The following MAPK9 variants were observed in gnomAD, a reference collection of about 807,000 sequenced individuals.
MAPK9 encodes mitogen-activated protein kinase 9, also known as Jun kinase.
A neutral mutation model predicts 57.1 loss-of-function variants in MAPK9; 30 were observed. The ratio of observed to expected loss-of-function variants is 0.53; its 90% CI spans 0.39 to 0.71. MAPK9 has a LOEUF of 0.71. Ranked by LOEUF, MAPK9 falls within the 30% of genes least tolerant of loss-of-function variation. MAPK9 has a pLI of 0.00. For synonymous variants in MAPK9, 155 were observed against 177.0 expected (o/e 0.88, Z 0.99); for missense variants, 362 against 521.0 (o/e 0.69, Z 2.97).
In MAPK9 at chr5:180,292,066, C is replaced by A. The variant is rs1763331682; in HGVS notation, c.-266G>T. On this transcript the variant is annotated 5_prime_UTR_variant, in exon 1 of 12. Coordinates refer to ENST00000452135, the MANE Select transcript of MAPK9 (RefSeq NM_002752.5). ...CCGCTCCCTTCTCCGCCGCTGCCGC[C>A]GCCGCGGCGCCCGGTCTGACAGACC... 6.6e-6 allele frequency: 1 copy of A among 152,446 alleles called. No homozygotes were observed. The highest frequency in any genetic ancestry group is 2.4e-5 in the African/African-American group (1 of 41,288). 9.4% of individuals were successfully genotyped at this position (152,446 alleles called of 1,614,324 possible). A position where few individuals can be genotyped will look rare whatever the true frequency, so the allele number is the denominator to read the frequency against.
chr5:180,288,348 C>T (rs774993648), intron 1 of MAPK9, among the ~76,000 whole-genome samples: 14 of 152,180 alleles, frequency 9.2e-5, no homozygotes, highest in Admixed American at 2.0e-4. Flanking sequence ...ACTTAAAAGA[C>T]GTATCATCCA....
intron 1 of MAPK9, among the ~76,000 whole-genome samples, chr5:180,282,522 G>T (rs1762396054): frequency 3.3e-5 from 5 of 152,218 alleles, no homozygotes; most frequent in Admixed American, 2.0e-4. Flanking sequence ...GACAAGGACG[G>T]CTTCAAGGAG....
chr5:180,237,657 C>G (rs1757278554), intron 11 of MAPK9: 1 of 152,226 alleles, frequency 6.6e-6, no homozygotes, highest in Non-Finnish European at 1.5e-5. Context: ...ATGGAGGTGA[C>G]AGCAGTTATT....
rs565055212 is a variant in MAPK9 at position 180,281,616 on chromosome 5, G to A, written c.-47-1008C>T. On this transcript the variant is annotated intron_variant, in intron 1 of 11. Transcript: ENST00000452135. ...GCTCTGTCAAATCCCTTGCCTTTAT[G>A]TTCTAGTATCTAATATTTAACGTCA... Among the ~76,000 whole-genome samples the A allele has an allele frequency of 2.6e-5, 4 of 152,308 alleles. No homozygotes were observed. In the East Asian group the frequency reaches 7.7e-4, roughly 29 times the overall value.
chr5:180,286,699 G>C (rs945485308), intron 1 of MAPK9, among the ~76,000 whole-genome samples: 3 of 148,078 alleles, frequency 2.0e-5, no homozygotes, highest in Non-Finnish European at 4.4e-5. Context: ...CACTCCCAGG[G>C]CCCTGGGTAA....
Position 180,248,963 on chromosome 5 carries a change from C to T in MAPK9, c.616+10G>A. The T allele has an allele frequency of 6.3e-7, 1 of 1,597,122 alleles. No individual in the cohort carries two copies. The highest frequency in any genetic ancestry group is 8.5e-7 in the Non-Finnish European group (1 of 1,171,446). On this transcript the variant is annotated intron_variant, in intron 6 of 11. Transcript: ENST00000452135. ...ACATCCCAGCCTCTTCCAGCCCCGG[C>T]TATACTCACCGTTCTCTTTGTAGCC...
chr5:180,283,100 G>A (rs1762455992), intron 1 of MAPK9, among the ~76,000 whole-genome samples: 1 of 152,156 alleles, frequency 6.6e-6, no homozygotes, highest in Admixed American at 6.5e-5. Context: ...CACAGGCGCT[G>A]AGGTGCTCCA....
In MAPK9 at chr5:180,236,165, T is replaced by G. The variant is rs753424874; in HGVS notation, c.*219A>C. The G allele has an allele frequency of 1.0e-5, 4 of 396,514 alleles. No individual in the cohort carries two copies. The highest frequency in any genetic ancestry group is 1.8e-5 in the Non-Finnish European group (4 of 225,822). The allele number at this position is 396,514 out of a possible 1,614,324, so 24.6% of individuals were successfully genotyped here. On this transcript the variant is annotated 3_prime_UTR_variant, in exon 12 of 12. Coordinates refer to ENST00000452135, the MANE Select transcript of MAPK9 (RefSeq NM_002752.5). ...TCACCTGAAATGATCTTGAACAAAA[T>G]CTCTAGAAGTGTGGCTTGCAATTTT...
chr5:180,261,890 A>G lies in MAPK9; in HGVS notation c.312-68T>C, dbSNP rs142920411. On this transcript the variant is annotated intron_variant, in intron 4 of 11. Transcript: ENST00000452135. ...AGTTCCTTTATGACTAAATTTCATG[A>G]AACTGTAACTTACTTCCAATCACTG... 2.6e-3 allele frequency: 3,608 copies of G among 1,362,564 alleles called. 7 individuals are homozygous for G. Among genetic ancestry groups the G allele is most frequent in the Middle Eastern group, 0.02 (102 of 5,172 alleles). The allele number at this position is 1,362,564 out of a possible 1,614,324, so 84.4% of individuals were successfully genotyped here. A position where few individuals can be genotyped will look rare whatever the true frequency, so the allele number is the denominator to read the frequency against.
intron 1 of MAPK9, among the ~76,000 whole-genome samples, chr5:180,283,634 C>G (rs1307512454): frequency 6.6e-6 from 1 of 152,172 alleles, no homozygotes; most frequent in Non-Finnish European, 1.5e-5. Flanking sequence ...AATTGTAATT[C>G]CATCTCAAGA....
intron 3 of MAPK9, among the ~76,000 whole-genome samples, chr5:180,266,089 T>A (rs1760517504): frequency 6.6e-6 from 1 of 151,136 alleles, no homozygotes; most frequent in South Asian, 2.1e-4. Context: ...GCAATAGTTT[T>A]AATATTTAAA....
intron 2 of MAPK9, among the ~76,000 whole-genome samples, chr5:180,273,634 T>G (rs1017629668): frequency 1.3e-4 from 20 of 152,286 alleles, no homozygotes; most frequent in Admixed American, 4.6e-4. Flanking sequence ...TTGCCTTATA[T>G]ATTTACAGCA....
At chr5:180,270,858 C>CAAAAAAAAAA (rs761904802) in intron 2 of MAPK9, among the ~76,000 whole-genome samples, 1 of 83,042 alleles carries the variant, frequency 1.2e-5, no homozygotes, top group Non-Finnish European at 2.4e-5. Context: ...CCCAGGGTCT[C>CAAAAAAAAAA]AAAAAAAAAA....
chr5:180,283,738 A>C (rs965315191), intron 1 of MAPK9, among the ~76,000 whole-genome samples: 1 of 152,264 alleles, frequency 6.6e-6, no homozygotes, highest in African/African-American at 2.4e-5. Context: ...GAGTTTGAGA[A>C]CAGCCTGGCC....
At chr5:180,278,961 T>C (rs900372530) in intron 2 of MAPK9, among the ~76,000 whole-genome samples, 7 of 144,306 alleles carry the variant, frequency 4.9e-5, no homozygotes, top group Middle Eastern at 3.5e-3. Context: ...TTAAAACTTT[T>C]TTTTTTTTTT....
intron 5 of MAPK9, among the ~76,000 whole-genome samples, chr5:180,254,412 C>A (rs777346029): frequency 1.3e-5 from 2 of 152,130 alleles, no homozygotes; most frequent in Non-Finnish European, 2.9e-5. Flanking sequence ...AAAAGCTTAT[C>A]CTCAGAGATG....
intron 2 of MAPK9, chr5:180,279,801 G>A (rs996923832): frequency 6.6e-6 from 3 of 456,228 alleles, no homozygotes; most frequent in Non-Finnish European, 1.3e-5. Flanking sequence ...TTTACCTTGA[G>A]CTGGCCCGTG....
intron 2 of MAPK9, among the ~76,000 whole-genome samples, chr5:180,273,440 T>G (rs1718572430): frequency 6.6e-6 from 1 of 152,130 alleles, no homozygotes; most frequent in Non-Finnish European, 1.5e-5. Flanking sequence ...TTGGCCAGGC[T>G]GGTCTTGAAC....
intron 1 of MAPK9, among the ~76,000 whole-genome samples, chr5:180,285,208 C>A (rs1356230560): frequency 6.6e-6 from 1 of 152,194 alleles, no homozygotes; most frequent in East Asian, 1.9e-4. Context: ...CCCCGCTCTG[C>A]AAATGAGGAA....
Sources: gnomAD v4.1 joint callset for allele counts (sites outside exome capture counted in the v4.1 genomes callset) on GRCh38, gnomAD v4.1.1 for gene constraint, MANE v1.5 for transcripts, NCBI Gene and HGNC (gene_info 2026-07-23, HGNC 2026-07-21) for gene names.